Variants in ANK3 observed in about 807,000 individuals in gnomAD.
The protein encoded by ANK3 is ankyrin 3.
In ANK3, 57 loss-of-function variants were observed where a neutral mutation model predicts 370.9. The observed-to-expected ratio is 0.15, with a 90% confidence interval of 0.12 to 0.19. The LOEUF (loss-of-function observed/expected upper bound fraction) is 0.19, where lower values mean the gene tolerates loss of function less well. ANK3 is among the 10% of genes least tolerant of loss of function. The probability of loss-of-function intolerance (pLI) is 1.00; values close to 1 mark genes in which losing one functional copy is unlikely to be tolerated. For missense variants in ANK3, 4,439 were observed against 5,302.1 expected, an observed-to-expected ratio of 0.84 and a Z score of 5.06; for synonymous variants, 1,929 against 1,946.3, an observed-to-expected ratio of 0.99 and a Z score of 0.23.
At position 60,082,752 on chromosome 10, in the gene ANK3, G is replaced by A; in HGVS notation, c.4201-15C>T. On this transcript the variant is annotated splice_polypyrimidine_tract_variant and intron_variant, in intron 33 of 43. Coordinates refer to ENST00000280772, the MANE Select transcript of ANK3 (RefSeq NM_020987.5). Reference sequence around the variant, plus strand: ...GTGTCTCTAATCTAGAAGAATTTTGGTAGTTGATGGTTATAGAATGAGACT... The same window carrying A: ...GTGTCTCTAATCTAGAAGAATTTTGATAGTTGATGGTTATAGAATGAGACT... The A allele has an allele frequency of 6.2e-7, 1 of 1,608,512 alleles. No homozygotes were observed. Among genetic ancestry groups the A allele is most frequent in the Non-Finnish European group, 8.5e-7 (1 of 1,178,608 alleles).
intron 2 of ANK3, among the ~76,000 whole-genome samples, chr10:60,530,926 C>G (rs1375398358): frequency 1.3e-5 from 2 of 152,066 alleles, no homozygotes; most frequent in Non-Finnish European, 2.9e-5. Flanking sequence ...ATAAATATTA[C>G]TCTCCACCCT....
At chr10:60,641,512 G>C (rs571005498) in intron 1 of ANK3, among the ~76,000 whole-genome samples, 1 of 150,810 alleles carries the variant, frequency 6.6e-6, no homozygotes, top group Non-Finnish European at 1.5e-5. Context: ...ACAAACCTGA[G>C]AAAAACAAGC....
chr10:60,140,756 T>A (rs758185889), intron 23 of ANK3: 4 of 1,084,496 alleles, frequency 3.7e-6, no homozygotes, highest in Non-Finnish European at 4.5e-6. Context: ...CCTGAGTTAT[T>A]TGTATGTAAA....
intron 2 of ANK3, among the ~76,000 whole-genome samples, chr10:60,471,418 C>A (rs2065215948): frequency 6.6e-6 from 1 of 152,058 alleles, no homozygotes; most frequent in Admixed American, 6.6e-5. Context: ...ATACAGTATA[C>A]TGGTCTATGC....
intron 1 of ANK3, among the ~76,000 whole-genome samples, chr10:60,673,305 T>A (rs1247433022): frequency 6.6e-6 from 1 of 152,072 alleles, no homozygotes; most frequent in African/African-American, 2.4e-5. Flanking sequence ...AAATAACTCA[T>A]GGGATTAGAG....
chr10:60,155,711 G>C (rs1297012578), intron 23 of ANK3, among the ~76,000 whole-genome samples: 2 of 152,202 alleles, frequency 1.3e-5, no homozygotes, highest in Non-Finnish European at 2.9e-5. Context: ...CATCTAATCA[G>C]CTGCCAGCAA....
intron 8 of ANK3, among the ~76,000 whole-genome samples, chr10:60,218,762 G>A (rs1357451419): frequency 2.6e-5 from 4 of 151,776 alleles, no homozygotes; most frequent in Non-Finnish European, 4.4e-5. Context: ...TATGTGTCTC[G>A]GGGTTGATCT....
At chr10:60,520,543 G>A (rs2133180610) in intron 2 of ANK3, among the ~76,000 whole-genome samples, 1 of 152,252 alleles carries the variant, frequency 6.6e-6, no homozygotes, top group East Asian at 1.9e-4. Flanking sequence ...ATATGGCGAT[G>A]AAAAAGTTAC....
intron 1 of ANK3, among the ~76,000 whole-genome samples, chr10:60,622,285 C>T (rs1283787400): frequency 6.6e-6 from 1 of 151,438 alleles, no homozygotes; most frequent in African/African-American, 2.4e-5. Context: ...TGCTCTGTTG[C>T]CCAGGCTGGA....
At chr10:60,579,327 A>T (rs970203980) in intron 2 of ANK3, among the ~76,000 whole-genome samples, 15 of 57,858 alleles carry the variant, frequency 2.6e-4, no homozygotes, top group East Asian at 6.1e-4. Flanking sequence ...CTCTCTCAAT[A>T]AAAAAAAAAA....
At chr10:60,213,360 T>C in intron 9 of ANK3, 52 bp downstream of exon 9, 1 of 1,282,568 alleles carries the variant, frequency 7.8e-7, no homozygotes. Flanking sequence ...CTAGATCATA[T>C]AACCATCAAA....
chr10:60,529,082 C>T (rs1319824019), intron 2 of ANK3, among the ~76,000 whole-genome samples: 2 of 152,050 alleles, frequency 1.3e-5, no homozygotes, highest in South Asian at 2.1e-4. Flanking sequence ...AGGATACTCA[C>T]GACAGTACCA....
intron 2 of ANK3, among the ~76,000 whole-genome samples, chr10:60,534,721 A>C (rs1179220417): frequency 3.9e-5 from 6 of 152,126 alleles, no homozygotes; most frequent in South Asian, 4.1e-4. Flanking sequence ...ATGTGAGAAA[A>C]CTGTAATTAG....
chr10:60,309,922 C>CT (rs71015785), intron 1 of ANK3, among the ~76,000 whole-genome samples: 14,226 of 134,230 alleles, frequency 0.11, 803 homozygotes, highest in Non-Finnish European at 0.15. Flanking sequence ...TTTCTTTTTT[C>CT]TTTTTTTTTT....
At chr10:60,260,221 G>A (rs2097784854) in intron 7 of ANK3, among the ~76,000 whole-genome samples, 1 of 152,286 alleles carries the variant, frequency 6.6e-6, no homozygotes, top group Non-Finnish European at 1.5e-5. Context: ...TGCTAGCACT[G>A]TGATCCTAAA....
chr10:60,623,286 G>A (rs1385949511), intron 1 of ANK3, among the ~76,000 whole-genome samples: 1 of 152,132 alleles, frequency 6.6e-6, no homozygotes, highest in Non-Finnish European at 1.5e-5. Flanking sequence ...GCCAACCGTA[G>A]CAAGTGCCAC....
At chr10:60,222,859 C>T (rs2097084806) in intron 8 of ANK3, among the ~76,000 whole-genome samples, 1 of 152,180 alleles carries the variant, frequency 6.6e-6, no homozygotes, top group Non-Finnish European at 1.5e-5. Context: ...TAGAGCAGAG[C>T]ATTTCTTTGA....
intron 2 of ANK3, among the ~76,000 whole-genome samples, chr10:60,424,588 C>T (rs1024029344): frequency 6.6e-6 from 1 of 152,006 alleles, no homozygotes; most frequent in Non-Finnish European, 1.5e-5. Context: ...CCCTTGAGAA[C>T]CTTACAATTC....
intron 2 of ANK3, among the ~76,000 whole-genome samples, chr10:60,506,587 C>G (rs533684303): frequency 3.4e-4 from 52 of 152,238 alleles, no homozygotes; most frequent in Non-Finnish European, 5.7e-4. Context: ...CAGATGCAGA[C>G]ATGACTCTGC....
Sources: gnomAD v4.1 joint callset for allele counts (sites outside exome capture counted in the v4.1 genomes callset) on GRCh38, gnomAD v4.1.1 for gene constraint, MANE v1.5 for transcripts, NCBI Gene and HGNC (gene_info 2026-07-23, HGNC 2026-07-21) for gene names.